FBXL17: variants seen among roughly 807,000 people sequenced by gnomAD.
FBXL17 encodes the protein F-box/LRR-repeat protein 17.
In FBXL17, 22 loss-of-function variants were observed where a neutral mutation model predicts 66.2. That is an observed-to-expected ratio of 0.33 (90% CI 0.24 to 0.47). FBXL17 has a LOEUF of 0.47. Among genes scored for constraint, FBXL17 ranks in the 20% least tolerant of loss-of-function variants. FBXL17 has a pLI of 1.00. For missense variants in FBXL17, 878 were observed against 948.2 expected (o/e 0.93, Z 0.97); for synonymous variants, 474 against 400.5 (o/e 1.18, Z -2.19).
intron 6 of FBXL17, among the ~76,000 whole-genome samples, chr5:108,122,041 A>G (rs1423721839): frequency 6.6e-6 from 1 of 152,164 alleles, no homozygotes; most frequent in Non-Finnish European, 1.5e-5. Flanking sequence ...AAATATTAAA[A>G]ACATCTTTGA....
chr5:108,090,598 G>A (rs1749150742), intron 6 of FBXL17, among the ~76,000 whole-genome samples: 1 of 152,212 alleles, frequency 6.6e-6, no homozygotes, highest in Non-Finnish European at 1.5e-5. Flanking sequence ...GTAAGTGAAT[G>A]AACATGGGTG....
At chr5:108,290,434 T>C (rs1007257067) in intron 4 of FBXL17, among the ~76,000 whole-genome samples, 7 of 152,150 alleles carry the variant, frequency 4.6e-5, no homozygotes, top group Non-Finnish European at 1.5e-5. Flanking sequence ...GTATGGTAAA[T>C]CTTGGTATTT....
chr5:108,204,852 T>A (rs1344460968), intron 5 of FBXL17, among the ~76,000 whole-genome samples: 1 of 152,078 alleles, frequency 6.6e-6, no homozygotes, highest in Non-Finnish European at 1.5e-5. Context: ...TAAACAAAAG[T>A]ATTGAGAAGG....
intron 6 of FBXL17, among the ~76,000 whole-genome samples, chr5:108,177,197 T>G (rs1752825374): frequency 6.6e-6 from 1 of 152,184 alleles, no homozygotes; most frequent in African/African-American, 2.4e-5. Context: ...GTGAAATTCT[T>G]TTTCAGACCA....
intron 4 of FBXL17, among the ~76,000 whole-genome samples, chr5:108,246,089 A>C (rs1174864293): frequency 6.6e-6 from 1 of 152,200 alleles, no homozygotes; most frequent in African/African-American, 2.4e-5. Flanking sequence ...AGGAATTAAA[A>C]TCAAGTACAA....
chr5:108,076,810 G>A (rs575873528), intron 6 of FBXL17, among the ~76,000 whole-genome samples: 9 of 152,212 alleles, frequency 5.9e-5, no homozygotes, highest in South Asian at 4.2e-4. Context: ...CCCTCTGAGG[G>A]AGGCTTCATC....
intron 4 of FBXL17, among the ~76,000 whole-genome samples, chr5:108,231,209 A>C (rs1442349226): frequency 1.3e-5 from 2 of 152,138 alleles, no homozygotes; most frequent in Non-Finnish European, 2.9e-5. Flanking sequence ...TTTTGAGTAT[A>C]ATTCGTCAAG....
intron 6 of FBXL17, among the ~76,000 whole-genome samples, chr5:108,119,190 T>G (rs1018793364): frequency 2.6e-5 from 4 of 152,126 alleles, no homozygotes; most frequent in Non-Finnish European, 5.9e-5. Flanking sequence ...ATTACTCTTG[T>G]TAAGTGCTCA....
At chr5:108,219,699 A>G (rs1042451138) in intron 5 of FBXL17, among the ~76,000 whole-genome samples, 12 of 148,174 alleles carry the variant, frequency 8.1e-5, no homozygotes, top group Non-Finnish European at 1.5e-4. Flanking sequence ...ATTAAAATTA[A>G]AAAAAAAGAT....
chr5:107,862,400 TGGC>T (rs1748150112), intron 8 of FBXL17, among the ~76,000 whole-genome samples: 1 of 152,126 alleles, frequency 6.6e-6, no homozygotes, highest in African/African-American at 2.4e-5. Flanking sequence ...AAAACATACA[TGGC>T]TGGCAGGTCA....
In FBXL17 at chr5:108,329,677, C is replaced by A. The variant is rs796077399; in HGVS notation, c.1506+18722G>T. Among the ~76,000 whole-genome samples the A allele has an allele frequency of 7.2e-5, 11 of 152,252 alleles. 1 individual carries two copies. Among genetic ancestry groups the A allele is most frequent in the African/African-American group, 2.4e-4 (10 of 41,556 alleles). On this transcript the variant is annotated intron_variant, in intron 4 of 8. Coordinates refer to ENST00000542267, the MANE Select transcript of FBXL17 (RefSeq NM_001163315.3). Reference sequence around the variant, plus strand: ...ACAAGTCATTGTAATGAGTACACCACATTATATACTATAAAATAGCTTCTT... The same window carrying A: ...ACAAGTCATTGTAATGAGTACACCAAATTATATACTATAAAATAGCTTCTT...
intron 7 of FBXL17, among the ~76,000 whole-genome samples, chr5:107,936,898 T>C (rs1002938161): frequency 6.6e-6 from 1 of 152,116 alleles, no homozygotes; most frequent in Admixed American, 6.6e-5. Flanking sequence ...CATAAACTTG[T>C]CTTTCACACT....
chr5:107,978,159 A>G (rs1752657999), intron 7 of FBXL17, among the ~76,000 whole-genome samples: 1 of 152,202 alleles, frequency 6.6e-6, no homozygotes, highest in South Asian at 2.1e-4. Flanking sequence ...GCCTTTGCAA[A>G]GATTATGACA....
intron 6 of FBXL17, among the ~76,000 whole-genome samples, chr5:108,042,207 CAA>C (rs1747076526): frequency 1.3e-5 from 2 of 152,072 alleles, no homozygotes; most frequent in South Asian, 4.1e-4. Flanking sequence ...AGTTTTTTAT[CAA>C]ACTTTTTATT....
At chr5:108,190,977 T>C (rs1322046824) in intron 5 of FBXL17, among the ~76,000 whole-genome samples, 1 of 152,192 alleles carries the variant, frequency 6.6e-6, no homozygotes, top group Non-Finnish European at 1.5e-5. Flanking sequence ...AGCAGCCCCA[T>C]GTTGGTATCA....
Position 107,982,216 on chromosome 5 carries a change from T to G in FBXL17, c.1822+38709A>C, listed in dbSNP as rs139016036. Among the ~76,000 whole-genome samples the G allele has an allele frequency of 4.7e-3, 715 of 152,288 alleles. 5 individuals are homozygous for G. The highest frequency in any genetic ancestry group is 0.017 in the African/African-American group (689 of 41,556). On this transcript the variant is annotated intron_variant, in intron 7 of 8. Transcript: ENST00000542267. ...CTTGTCTTTAGTACATAAATAAATT[T>G]TCTTTCACTTGTAAACTGAAAGCTT...
At chr5:107,964,973 C>T (rs1293369710) in intron 7 of FBXL17, among the ~76,000 whole-genome samples, 1 of 152,072 alleles carries the variant, frequency 6.6e-6, no homozygotes, top group East Asian at 1.9e-4. Context: ...GTAATTAGTG[C>T]TAATTGTAAA....
At chr5:108,334,244 T>C (rs550754597) in intron 4 of FBXL17, among the ~76,000 whole-genome samples, 7 of 152,330 alleles carry the variant, frequency 4.6e-5, no homozygotes, top group Admixed American at 1.3e-4. Context: ...TCTAATTCAC[T>C]GTACATCAAA....
intron 8 of FBXL17, among the ~76,000 whole-genome samples, chr5:107,871,749 GAA>G (rs749231729): frequency 9.8e-6 from 1 of 102,046 alleles, no homozygotes; most frequent in Non-Finnish European, 2.1e-5. Context: ...TCAGCAATTT[GAA>G]AAAAAAAAAA....
Sources: allele counts gnomAD v4.1 joint callset (sites outside exome capture counted in the v4.1 genomes callset), GRCh38; gene constraint gnomAD v4.1.1; transcripts MANE v1.5; gene names NCBI Gene and HGNC (gene_info 2026-07-23, HGNC 2026-07-21).